Variants in GABRB3 observed in about 807,000 individuals in gnomAD.
The protein encoded by GABRB3 is gamma-aminobutyric acid type A receptor subunit beta3.
GABRB3 carries 14 observed loss-of-function variants against 52.1 expected under a neutral mutation model. The observed-to-expected ratio is 0.27, with a 90% confidence interval of 0.18 to 0.42. The LOEUF is 0.42. GABRB3 is among the 10% of genes least tolerant of loss of function. GABRB3 has a pLI of 1.00. For missense variants in GABRB3, 307 were observed against 609.1 expected, an observed-to-expected ratio of 0.50 and a Z score of 5.22; for synonymous variants, 260 against 232.3, an observed-to-expected ratio of 1.12 and a Z score of -1.08.
intron 8 of GABRB3, among the ~76,000 whole-genome samples, chr15:26,554,037 T>TATATATA (rs59100810): frequency 0.052 from 3,021 of 58,392 alleles, 563 homozygotes; most frequent in Non-Finnish European, 0.06. Flanking sequence ...ATATATATAT[T>TATATATA]TATTTATTTA....
At chr15:26,752,023 C>T (rs971917261) in intron 3 of GABRB3, among the ~76,000 whole-genome samples, 2 of 152,072 alleles carry the variant, frequency 1.3e-5, no homozygotes, top group Non-Finnish European at 2.9e-5. Flanking sequence ...AAACAGCATG[C>T]TTTAAAACAT....
At chr15:26,640,368 T>A (rs753870523) in intron 3 of GABRB3, among the ~76,000 whole-genome samples, 18 of 152,064 alleles carry the variant, frequency 1.2e-4, no homozygotes, top group Admixed American at 2.0e-4. Context: ...ATACAAAAAA[T>A]TAGCTGGGTG....
At chr15:26,549,970 C>T (rs1889396909) in intron 8 of GABRB3, 1 of 152,210 alleles carries the variant, frequency 6.6e-6, no homozygotes, top group South Asian at 2.1e-4. Flanking sequence ...AGGCAGTGAG[C>T]CCATTCATTG....
At chr15:26,610,647 T>C (rs1892034191) in intron 4 of GABRB3, among the ~76,000 whole-genome samples, 1 of 152,142 alleles carries the variant, frequency 6.6e-6, no homozygotes, top group Admixed American at 6.6e-5. Context: ...TGATCTTCTG[T>C]AGTGCTGTTT....
At chr15:26,752,603 T>G (rs1037931033) in intron 3 of GABRB3, among the ~76,000 whole-genome samples, 2 of 152,048 alleles carry the variant, frequency 1.3e-5, no homozygotes, top group Non-Finnish European at 2.9e-5. Context: ...TATTCTTAAT[T>G]TATGAATAAA....
At chr15:26,562,520 C>T (rs1202162759) in intron 7 of GABRB3, among the ~76,000 whole-genome samples, 3 of 152,332 alleles carry the variant, frequency 2.0e-5, no homozygotes, top group East Asian at 1.9e-4. Context: ...CCCTACATTT[C>T]AGCACTGTCC....
At chr15:26,704,128 T>C (rs1889022620) in intron 3 of GABRB3, among the ~76,000 whole-genome samples, 1 of 152,212 alleles carries the variant, frequency 6.6e-6, no homozygotes, top group South Asian at 2.1e-4. Flanking sequence ...ACCACAGCTC[T>C]TGCATTCTGT....
At position 26,668,919 on chromosome 15, in the gene GABRB3, A is replaced by T. The variant is rs146151614; in HGVS notation, c.241-47385T>A. Among the ~76,000 whole-genome samples, 406 of 152,326 alleles carry T rather than the reference A, an allele frequency of 2.7e-3. 1 individual carries two copies. Among genetic ancestry groups the T allele is most frequent in the African/African-American group, 9.1e-3 (380 of 41,574 alleles). On this transcript the variant is annotated intron_variant, in intron 3 of 8. Coordinates refer to ENST00000311550, the MANE Select transcript of GABRB3 (RefSeq NM_000814.6). ...TAAATGAACATATTCCCTGCAGGGTACCCTTGGGTGAAAAGCAAGGCTAAG... is the reference window on the plus strand; with the variant it reads ...TAAATGAACATATTCCCTGCAGGGTTCCCTTGGGTGAAAAGCAAGGCTAAG...
At chr15:26,565,215 T>C (rs988534725) in intron 7 of GABRB3, among the ~76,000 whole-genome samples, 2 of 152,154 alleles carry the variant, frequency 1.3e-5, no homozygotes, top group Non-Finnish European at 2.9e-5. Context: ...CTCCTGACAC[T>C]GCGTCATACT....
rs187402095 is a variant in GABRB3 at position 26,701,266 on chromosome 15, G to T, written c.240+71136C>A. Among the ~76,000 whole-genome samples, 419 of 152,038 alleles carry T rather than the reference G, an allele frequency of 2.8e-3. 3 individuals are homozygous for T. The highest frequency in any genetic ancestry group is 9.8e-3 in the Admixed American group (150 of 15,278). On this transcript the variant is annotated intron_variant, in intron 3 of 8. Coordinates refer to ENST00000311550, the MANE Select transcript of GABRB3 (RefSeq NM_000814.6). ...TCCAGCCAGTGTGGTAAGTTGGGGG[G>T]AAAAAAATAGAGAGAAAAGCCATCT...
intron 6 of GABRB3, among the ~76,000 whole-genome samples, chr15:26,568,499 T>C (rs535075436): frequency 2.1e-5 from 2 of 96,242 alleles, no homozygotes; most frequent in African/African-American, 5.8e-5. Context: ...TGTTTTCCTT[T>C]CTTTTTTTTT....
At chr15:26,702,935 T>G (rs953509453) in intron 3 of GABRB3, among the ~76,000 whole-genome samples, 23 of 152,162 alleles carry the variant, frequency 1.5e-4, no homozygotes, top group Admixed American at 7.2e-4. Flanking sequence ...AAGTCCAAAA[T>G]CAAGTCTCCA....
intron 3 of GABRB3, among the ~76,000 whole-genome samples, chr15:26,768,954 C>T (rs1891070275): frequency 6.6e-6 from 1 of 152,124 alleles, no homozygotes. Flanking sequence ...TTCCACAAAA[C>T]ACCAAAATGA....
intron 4 of GABRB3, among the ~76,000 whole-genome samples, chr15:26,620,634 G>A (rs1892447480): frequency 6.6e-6 from 1 of 152,184 alleles, no homozygotes; most frequent in African/African-American, 2.4e-5. Flanking sequence ...GCAAGAGACA[G>A]AAGGTTTTTA....
chr15:26,705,511 T>C (rs979750453), intron 3 of GABRB3, among the ~76,000 whole-genome samples: 5 of 152,326 alleles, frequency 3.3e-5, no homozygotes, highest in Non-Finnish European at 5.9e-5. Context: ...TATATCTATA[T>C]AATGAAACTC....
upstream of GABRB3, chr15:26,773,126 G>A: frequency 1.0e-5 from 6 of 597,086 alleles, no homozygotes; most frequent in Non-Finnish European, 1.3e-5. Flanking sequence ...GGCGCTGGGA[G>A]AGGAAGGAGG....
At chr15:26,616,223 T>G (rs1189082634) in intron 4 of GABRB3, among the ~76,000 whole-genome samples, 1 of 152,166 alleles carries the variant, frequency 6.6e-6, no homozygotes, top group African/African-American at 2.4e-5. Context: ...ATGTGAGCAC[T>G]CACACCTTGT....
rs1191320769 is a variant in GABRB3, at chr15:26,546,249, A to G, written c.*1544T>C. On this transcript the variant is annotated 3_prime_UTR_variant, in exon 9 of 9. Transcript: ENST00000311550. ...GACACCTGTTTGCACAACTGTAGTC[A>G]TTTCAGTTTATGGATGCCTGTGATA... 6.6e-6 allele frequency: 1 copy of G among 152,562 alleles called. No individual in the cohort carries two copies. The highest frequency in any genetic ancestry group is 6.5e-5 in the Admixed American group (1 of 15,284). The allele number at this position is 152,562 out of a possible 1,614,324, so 9.5% of individuals were successfully genotyped here. A position where few individuals can be genotyped will look rare whatever the true frequency, so the allele number is the denominator to read the frequency against.
chr15:26,643,798 G>A (rs571953835), intron 3 of GABRB3, among the ~76,000 whole-genome samples: 2 of 152,268 alleles, frequency 1.3e-5, no homozygotes, highest in South Asian at 4.1e-4. Context: ...TCATAGGGGA[G>A]ACAATAAGAC....
Sources: allele counts gnomAD v4.1 joint callset (sites outside exome capture counted in the v4.1 genomes callset), GRCh38; gene constraint gnomAD v4.1.1; transcripts MANE v1.5; gene names NCBI Gene and HGNC (gene_info 2026-07-23, HGNC 2026-07-21).